The following IKZF1 variants were observed in gnomAD, a reference collection of about 807,000 sequenced individuals.
IKZF1 encodes the protein IKAROS family zinc finger 1, also known as DNA-binding protein Ikaros.
A neutral mutation model predicts 51.7 loss-of-function variants in IKZF1; 10 were observed. That is an observed-to-expected ratio of 0.19 (90% CI 0.12 to 0.33). The LOEUF is 0.33. Ranked by LOEUF, IKZF1 falls within the 10% of genes least tolerant of loss-of-function variation. IKZF1 has a pLI of 1.00. For missense variants in IKZF1, 484 were observed against 707.5 expected, an observed-to-expected ratio of 0.68 and a Z score of 3.58; for synonymous variants, 280 against 282.3, an observed-to-expected ratio of 0.99 and a Z score of 0.08.
rs188391894 is a variant in IKZF1 at position 50,366,838 on chromosome 7, G to A, written c.161-9695G>A. Among the ~76,000 whole-genome samples, 149 of 152,252 alleles carry A rather than the reference G, an allele frequency of 9.8e-4. 1 individual carries two copies. The highest frequency in any genetic ancestry group is 2.3e-3 in the Admixed American group (35 of 15,296). On this transcript the variant is annotated intron_variant, in intron 3 of 7. Transcript: ENST00000331340. ...AATGAAGACAACAAGAACAGCAAAG[G>A]TTATTGTAAAACTGGCTGCTTGCAG...
In IKZF1 at chr7:50,379,538, T is replaced by C. The variant is rs763387253; in HGVS notation, c.421+2745T>C. Among the ~76,000 whole-genome samples, 14 of 152,336 alleles carry C rather than the reference T, an allele frequency of 9.2e-5. No individual in the cohort carries two copies. In the South Asian group the frequency reaches 1.0e-3, roughly 11 times the overall value. On this transcript the variant is annotated intron_variant, in intron 4 of 7. Coordinates refer to ENST00000331340, the MANE Select transcript of IKZF1 (RefSeq NM_006060.6). ...TTCCCCACCAATGTCTCAGGGTTAT[T>C]GTGAGAACCAGAGAGGAGAGAGGTA...
At position 50,397,869 on chromosome 7, in the gene IKZF1, T is replaced by TC. The variant is rs1017131129; in HGVS notation, c.851-2048dup. On this transcript the variant is annotated intron_variant, in intron 7 of 7. Coordinates refer to ENST00000331340, the MANE Select transcript of IKZF1 (RefSeq NM_006060.6). Reference sequence around the variant, plus strand: ...TAACTGGCCATGCACAAGTTTTTTTTCTCTAATCAGAGTATGTGCCACTTC... The same window carrying TC: ...TAACTGGCCATGCACAAGTTTTTTTTCCTCTAATCAGAGTATGTGCCACTTC... Among the ~76,000 whole-genome samples the TC allele has an allele frequency of 5.3e-5, 8 of 152,296 alleles. 1 individual carries two copies. The Middle Eastern group carries it at 0.01, about 194-fold the overall frequency.
At chr7:50,383,588 T>C (rs1259935692) in intron 5 of IKZF1, among the ~76,000 whole-genome samples, 1 of 152,156 alleles carries the variant, frequency 6.6e-6, no homozygotes, top group Non-Finnish European at 1.5e-5. Flanking sequence ...ACCGTCCAGT[T>C]GGGGATATTT....
chr7:50,376,403 T>G lies in IKZF1; in HGVS notation c.161-130T>G, dbSNP rs575989493. On this transcript the variant is annotated intron_variant, in intron 3 of 7. Transcript: ENST00000331340. This position sits in a 1 kb window ranked among gnomAD's most constrained non-coding sequence, Gnocchi z 4.5. ...ACGGCGAGCTCAGGCTGCTCTCCCC[T>G]TGGTATTTGCTAAGAACTTCTGTTT... is the stretch of plus-strand genomic sequence containing the variant. The G allele has an allele frequency of 1.4e-6, 2 of 1,452,182 alleles. No individual in the cohort carries two copies. Among genetic ancestry groups the G allele is most frequent in the Non-Finnish European group, 1.8e-6 (2 of 1,082,940 alleles). The allele number at this position is 1,452,182 out of a possible 1,614,324, so 90.0% of individuals were successfully genotyped here. A position where few individuals can be genotyped will look rare whatever the true frequency, so the allele number is the denominator to read the frequency against.
At chr7:50,378,048 T>C (rs989703387) in intron 4 of IKZF1, among the ~76,000 whole-genome samples, 1 of 152,234 alleles carries the variant, frequency 6.6e-6, no homozygotes, top group Non-Finnish European at 1.5e-5. Flanking sequence ...AACAAAAATA[T>C]GTTCATCAAA....
chr7:50,400,330 C>T lies in IKZF1; in HGVS notation c.1263C>T (p.His421=), dbSNP rs756328674. ...ACCTGACCAACCACATCGCCCCGCA[C>T]GCGCGCAACGGGCTGTCGCTCAAGG... ...LIYLTNHIAP[H]ARNGLSLKEE... The change falls in exon 8 of 8, where the codon CAC becomes CAT. Residue 421 remains histidine (H), a synonymous_variant. Coordinates refer to ENST00000331340, the MANE Select transcript of IKZF1 (RefSeq NM_006060.6). This position sits in a 1 kb window ranked among gnomAD's most constrained non-coding sequence, Gnocchi z 5.4. The T allele has an allele frequency of 2.2e-5, 35 of 1,612,922 alleles. No homozygotes were observed. In the South Asian group the frequency reaches 3.8e-4, roughly 18 times the overall value.
At chr7:50,390,875 A>G (rs1167586013) in intron 6 of IKZF1, among the ~76,000 whole-genome samples, 2 of 152,248 alleles carry the variant, frequency 1.3e-5, no homozygotes, top group Non-Finnish European at 2.9e-5. Flanking sequence ...AATCAGCATG[A>G]AATATCCGAG....
chr7:50,365,919 T>C (rs1190034162), intron 3 of IKZF1, among the ~76,000 whole-genome samples: 3 of 152,188 alleles, frequency 2.0e-5, no homozygotes, highest in African/African-American at 7.2e-5. Flanking sequence ...GTGGTACATA[T>C]ACCCCATGGA....
intron 3 of IKZF1, among the ~76,000 whole-genome samples, chr7:50,345,448 C>T (rs1204329691): frequency 6.6e-6 from 1 of 152,194 alleles, no homozygotes; most frequent in Non-Finnish European, 1.5e-5. Context: ...GGAAGCCTTG[C>T]ACCACACTCT....
At chr7:50,323,978 A>G (rs1794148145) in intron 2 of IKZF1, among the ~76,000 whole-genome samples, 2 of 152,184 alleles carry the variant, frequency 1.3e-5, no homozygotes, top group African/African-American at 2.4e-5. Flanking sequence ...TCTTACAACT[A>G]ATTGGTCAAG....
At chr7:50,389,139 C>T (rs1814283020) in intron 6 of IKZF1, among the ~76,000 whole-genome samples, 1 of 152,232 alleles carries the variant, frequency 6.6e-6, no homozygotes, top group South Asian at 2.1e-4. Flanking sequence ...GGTTTGAGTT[C>T]TCTGTTTTTG....
chr7:50,347,551 C>T (rs1336732940), intron 3 of IKZF1, among the ~76,000 whole-genome samples: 1 of 152,230 alleles, frequency 6.6e-6, no homozygotes, highest in Non-Finnish European at 1.5e-5. Flanking sequence ...AGCAGGAAAA[C>T]ATGCCATTGT....
At position 50,327,720 on chromosome 7, in the gene IKZF1, G is replaced by C. The variant is rs373934387; in HGVS notation, c.123G>C (p.Ser41=). ...MPIPEDLSTT[S]GGQQSSKSDR... is the part of the protein sequence containing the mutation. ...TCCCCGAGGACCTCTCCACCACCTC[G>C]GGAGGACAGCAAAGCTCCAAGAGTG... Residue 41 remains serine (S), a synonymous_variant, in exon 3 of 8, where the codon TCG becomes TCC. Transcript: ENST00000331340. 6.2e-7 allele frequency: 1 copy of C among 1,613,542 alleles called. No individual in the cohort carries two copies.
intron 3 of IKZF1, among the ~76,000 whole-genome samples, chr7:50,331,628 G>A (rs947317581): frequency 8.9e-4 from 136 of 152,278 alleles, no homozygotes; most frequent in African/African-American, 3.1e-3. Context: ...GGGAATGGTG[G>A]AAATCAGTTC....
Position 50,400,325 on chromosome 7 carries a change from CCGCACG to C in IKZF1, c.1262_1267del (p.His421_Ala422del). ...CATCTACCTGACCAACCACATCGCCCCGCACGCGCGCAACGGGCTGTCGCTCAAGGA... is the reference window on the plus strand; with the variant it reads ...CATCTACCTGACCAACCACATCGCCCCGCGCAACGGGCTGTCGCTCAAGGA... On this transcript the variant is annotated inframe_deletion, in exon 8 of 8. Transcript: ENST00000331340. The surrounding 1 kb of genome is among the most constrained non-coding windows in gnomAD (Gnocchi z 5.4). 6.2e-7 allele frequency: 1 copy of C among 1,613,046 alleles called. No individual in the cohort carries two copies. Among genetic ancestry groups the C allele is most frequent in the South Asian group, 1.1e-5 (1 of 91,074 alleles).
chr7:50,383,738 G>T (rs1812534683), intron 5 of IKZF1, among the ~76,000 whole-genome samples: 1 of 152,342 alleles, frequency 6.6e-6, no homozygotes, highest in East Asian at 1.9e-4. Context: ...TGCCCTGGGG[G>T]ATGGCAATGC....
chr7:50,325,667 C>T (rs550795914), intron 2 of IKZF1, among the ~76,000 whole-genome samples: 18 of 151,800 alleles, frequency 1.2e-4, no homozygotes, highest in African/African-American at 3.6e-4. Context: ...CCCAGCTACT[C>T]GGGAGGCTGA....
At chr7:50,320,731 T>G (rs1456715551) in intron 2 of IKZF1, among the ~76,000 whole-genome samples, 1 of 152,214 alleles carries the variant, frequency 6.6e-6, no homozygotes, top group Non-Finnish European at 1.5e-5. Context: ...ATGGTACAGT[T>G]GGTAAAAGTG....
chr7:50,305,839 G>T (rs927294077), intron 1 of IKZF1, among the ~76,000 whole-genome samples: 1 of 152,054 alleles, frequency 6.6e-6, no homozygotes, highest in Non-Finnish European at 1.5e-5. Context: ...AAAATACTGC[G>T]TATGATATTT....
Sources: allele counts gnomAD v4.1 joint callset (sites outside exome capture counted in the v4.1 genomes callset), GRCh38; gene constraint gnomAD v4.1.1; non-coding constraint Gnocchi (gnomAD v3.1); transcripts MANE v1.5; gene names NCBI Gene and HGNC (gene_info 2026-07-23, HGNC 2026-07-21).